The following CRNN variants were observed in gnomAD, a reference collection of about 807,000 sequenced individuals.
CRNN encodes 53 kDa putative calcium-binding protein.
Under a neutral mutation model 44.7 loss-of-function variants are expected in CRNN, and 39 were observed. That is an observed-to-expected ratio of 0.87 (90% CI 0.68 to 1.14). The LOEUF is 1.14. CRNN is among the 50% of genes most tolerant of loss of function. CRNN has a pLI of 0.00. For synonymous variants in CRNN, 240 were observed against 231.8 expected (o/e 1.04, Z -0.32); for missense variants, 606 against 605.1 (o/e 1.00, Z -0.02).
Position 152,409,910 on chromosome 1 carries a change from C to A in CRNN, c.1172G>T (p.Ser391Ile). Residue 391 changes from serine to isoleucine, a missense_variant, in exon 3 of 3, where the codon AGC becomes ATC. By Grantham distance (142) the Ser-to-Ile change is moderately radical. Transcript: ENST00000271835. ...TACTGTCTCTCCTGCCTCAGGGTTGCTCACTTGCATCCATCTTTGACCACT... is the reference window on the plus strand; with the variant it reads ...TACTGTCTCTCCTGCCTCAGGGTTGATCACTTGCATCCATCTTTGACCACT... ...PGSGQRWMQV[S>I]NPEAGETVPG... is the part of the protein sequence containing the mutation. 6.2e-7 allele frequency: 1 copy of A among 1,614,214 alleles called. No individual in the cohort carries two copies. The highest frequency in any genetic ancestry group is 8.5e-7 in the Non-Finnish European group (1 of 1,180,046).
chr1:152,410,276 T>C lies in CRNN; in HGVS notation c.806A>G (p.Glu269Gly). 3.7e-6 allele frequency: 6 copies of C among 1,614,052 alleles called. No individual in the cohort carries two copies. Among genetic ancestry groups the C allele is most frequent in the Non-Finnish European group, 5.1e-6 (6 of 1,179,996 alleles). The change falls in exon 3 of 3, where the codon GAG becomes GGG. Residue 269 changes from glutamate to glycine, a missense_variant. Transcript: ENST00000271835. ...CTGGCTCCTGCCTTGACCGTGGGTC[T>C]CAGTCCCTCTGTTCTGGTCATTGGT... ...EATNDQNRGTETHGQGRSQTS... is the reference protein window; with the variant it reads ...EATNDQNRGTGTHGQGRSQTS...
At chr1:152,411,999 T>A in intron 2 of CRNN, 97 bp downstream of exon 2, 1 of 1,321,968 alleles carries the variant, frequency 7.6e-7, no homozygotes, top group South Asian at 1.7e-5. Flanking sequence ...TGGGTTTAGC[T>A]GCTGCCTCCT....
rs752800549 is a variant in CRNN, at chr1:152,410,937, G to A, written c.145C>T (p.His49Tyr). The A allele has an allele frequency of 3.1e-6, 5 of 1,605,072 alleles. No individual in the cohort carries two copies. In the South Asian group the frequency reaches 3.3e-5, roughly 11 times the overall value. ...ACCTCATCCACAGTTGCTGGATCGT[G>A]GGGTTTCTGAGGAGAAGATGAGGTG... ...QEFADVIVKP[H>Y]DPATVDEVLR... Residue 49 changes from histidine to tyrosine, a missense_variant, in exon 3 of 3, where the codon CAC (histidine) becomes TAC (tyrosine). His to Tyr is a moderately conservative substitution (Grantham distance 83, BLOSUM62 2). Transcript: ENST00000271835.
In CRNN at chr1:152,410,691, G is replaced by A. The variant is rs750338253; in HGVS notation, c.391C>T (p.His131Tyr). The A allele has an allele frequency of 2.5e-6, 4 of 1,613,864 alleles. No individual in the cohort carries two copies. Among genetic ancestry groups the A allele is most frequent in the Non-Finnish European group, 3.4e-6 (4 of 1,179,956 alleles). ...TEVGRAGKGQ[H>Y]YEGSSHRQSQ... ...TGTCTGTGGCTGCTCCCCTCATAAT[G>A]CTGCCCTTTCCCCGCCCTTCCCACT... Residue 131 changes from histidine (H) to tyrosine (Y), a missense_variant, in exon 3 of 3, where the codon CAT (histidine) becomes TAT (tyrosine). His to Tyr is a moderately conservative substitution (Grantham distance 83). Coordinates refer to ENST00000271835, the MANE Select transcript of CRNN (RefSeq NM_016190.3).
At chr1:152,410,983 A>G (rs1054532640) in intron 2 of CRNN, 40 bp from the exon 3 acceptor site, 1 of 1,559,836 alleles carries the variant, frequency 6.4e-7, no homozygotes, top group Non-Finnish European at 8.6e-7. Flanking sequence ...CCCTCCCCTG[A>G]GGAGGACATG....
At position 152,409,915 on chromosome 1, in the gene CRNN, T is replaced by C. The variant is rs1388538545; in HGVS notation, c.1167A>G (p.Gln389=). 6.2e-7 allele frequency: 1 copy of C among 1,614,038 alleles called. No individual in the cohort carries two copies. The highest frequency in any genetic ancestry group is 1.3e-5 in the African/African-American group (1 of 74,922). Residue 389 remains glutamine (Q), a synonymous_variant, in exon 3 of 3, where the codon CAA becomes CAG. Coordinates refer to ENST00000271835, the MANE Select transcript of CRNN (RefSeq NM_016190.3). Reference sequence around the variant, plus strand: ...TCTCTCCTGCCTCAGGGTTGCTCACTTGCATCCATCTTTGACCACTGCCTG... The same window carrying C: ...TCTCTCCTGCCTCAGGGTTGCTCACCTGCATCCATCTTTGACCACTGCCTG... ...TQPGSGQRWM[Q]VSNPEAGETV... is the part of the protein sequence containing the mutation.
Position 152,410,246 on chromosome 1 carries a change from C to G in CRNN, c.836G>C (p.Ser279Thr). 1 of 1,613,584 alleles carries G rather than the reference C, an allele frequency of 6.2e-7. No individual in the cohort carries two copies. Among genetic ancestry groups the G allele is most frequent in the Non-Finnish European group, 8.5e-7 (1 of 1,179,642 alleles). ...AGCATGTCCTCCTGTCACAGCCTGG[C>G]TGGTCTGGCTCCTGCCTTGACCGTG... ...ETHGQGRSQT[S>T]QAVTGGHAQI... Residue 279 changes from serine (S) to threonine (T), a missense_variant, in exon 3 of 3, where the codon AGC becomes ACC. Coordinates refer to ENST00000271835, the MANE Select transcript of CRNN (RefSeq NM_016190.3).
In CRNN at chr1:152,410,729, C is replaced by A; in HGVS notation, c.353G>T (p.Arg118Ile). 1 of 1,614,174 alleles carries A rather than the reference C, an allele frequency of 6.2e-7. No individual in the cohort carries two copies. Among genetic ancestry groups the A allele is most frequent in the African/African-American group, 1.3e-5 (1 of 75,068 alleles). Reference protein sequence around the residue: ...GASQELGEGQRSGTEVGRAGK... With the variant: ...GASQELGEGQISGTEVGRAGK... ...CGCCCTTCCCACTTCAGTGCCACTTCTCTGTCCTTCGCCCAGCTCCTGCGA... is the reference window on the plus strand; with the variant it reads ...CGCCCTTCCCACTTCAGTGCCACTTATCTGTCCTTCGCCCAGCTCCTGCGA... The change falls in exon 3 of 3, where the codon AGA (arginine) becomes ATA (isoleucine). Residue 118 changes from arginine to isoleucine, a missense_variant. Physicochemically the swap from Arg to Ile is moderately conservative, Grantham distance 97 (BLOSUM62 -3). Coordinates refer to ENST00000271835, the MANE Select transcript of CRNN (RefSeq NM_016190.3).
chr1:152,410,137 G>T lies in CRNN; in HGVS notation c.945C>A (p.Thr315=). ...DSSHQTGSTS[T]QTQESTNGQN... is the part of the protein sequence containing the mutation. Reference sequence around the variant, plus strand: ...GGCCATTGGTGGACTCCTGTGTCTGGGTGCTGGTGCTTCCTGTCTGGTGGC... The same window carrying T: ...GGCCATTGGTGGACTCCTGTGTCTGTGTGCTGGTGCTTCCTGTCTGGTGGC... The change falls in exon 3 of 3, where the codon ACC becomes ACA. Residue 315 remains threonine, a synonymous_variant. Coordinates refer to ENST00000271835, the MANE Select transcript of CRNN (RefSeq NM_016190.3). 2.5e-6 allele frequency: 4 copies of T among 1,601,680 alleles called. No homozygotes were observed. The highest frequency in any genetic ancestry group is 3.4e-6 in the Non-Finnish European group (4 of 1,176,224).
rs1270707590 is a variant in CRNN, at chr1:152,409,582, G to A, written c.*12C>T. On this transcript the variant is annotated 3_prime_UTR_variant, in exon 3 of 3. Transcript: ENST00000271835. ...TGTCTTCTTCCAGTACTGGACATTG[G>A]AGTCGGGGAAGTCATGGCTTGGTGC... 6.3e-7 allele frequency: 1 copy of A among 1,597,706 alleles called. No homozygotes were observed. Among genetic ancestry groups the A allele is most frequent in the East Asian group, 2.2e-5 (1 of 44,860 alleles).
At position 152,409,959 on chromosome 1, in the gene CRNN, C is replaced by T. The variant is rs867713856; in HGVS notation, c.1123G>A (p.Gly375Arg). Residue 375 changes from glycine to arginine, a missense_variant, in exon 3 of 3, where the codon GGA becomes AGA. Physicochemically the swap from Gly to Arg is moderately radical, Grantham distance 125 (BLOSUM62 -2). Transcript: ENST00000271835. ...TVSHGGAREQ[G>R]QTQTQPGSGQ... ...CTGCCTGGCTGCGTCTGGGTCTGTC[C>T]CTGTTCTCTAGCCCCTCCGTGGCTT... 6 of 1,614,036 alleles carry T rather than the reference C, an allele frequency of 3.7e-6. No individual in the cohort carries two copies. Among genetic ancestry groups the T allele is most frequent in the Non-Finnish European group, 5.1e-6 (6 of 1,180,034 alleles).
intron 2 of CRNN, 109 bp downstream of exon 2, chr1:152,411,987 C>T: frequency 8.0e-7 from 1 of 1,249,370 alleles, no homozygotes; most frequent in Non-Finnish European, 1.1e-6. Flanking sequence ...TCCCGGCAGG[C>T]CTGGGTTTAG....
chr1:152,413,905 A>T (rs1355279484), intron 1 of CRNN, among the ~76,000 whole-genome samples: 1 of 152,166 alleles, frequency 6.6e-6, no homozygotes, highest in Non-Finnish European at 1.5e-5. Flanking sequence ...GACTCTCAGC[A>T]CTGCAAAGAA....
At chr1:152,411,631 A>C (rs1383742062) in intron 2 of CRNN, among the ~76,000 whole-genome samples, 2 of 152,042 alleles carry the variant, frequency 1.3e-5, no homozygotes, top group African/African-American at 4.8e-5. Context: ...TCAAAATTTC[A>C]TTTCTGATGT....
chr1:152,412,246 C>A lies in CRNN; in HGVS notation c.-13G>T. The stretch of plus-strand genomic sequence containing the variant: ...GTAACTGAGGCATCTTTGAAGTCAA[C>A]CTGGAAAAGATGAAAAGTTCCCTTG... On this transcript the variant is annotated splice_region_variant and 5_prime_UTR_variant, in exon 2 of 3. Transcript: ENST00000271835. 1 of 1,599,028 alleles carries A rather than the reference C, an allele frequency of 6.3e-7. No individual in the cohort carries two copies. The highest frequency in any genetic ancestry group is 8.6e-7 in the Non-Finnish European group (1 of 1,168,058).
chr1:152,411,380 G>A (rs1287042800), intron 2 of CRNN, among the ~76,000 whole-genome samples: 1 of 152,166 alleles, frequency 6.6e-6, no homozygotes, highest in Admixed American at 6.5e-5. Context: ...CCTCATTGAG[G>A]CCCAGATGTT....
Position 152,412,089 on chromosome 1 carries a change from A to T in CRNN, c.138+7T>A. 6.3e-7 allele frequency: 1 copy of T among 1,599,710 alleles called. No individual in the cohort carries two copies. Among genetic ancestry groups the T allele is most frequent in the Non-Finnish European group, 8.6e-7 (1 of 1,169,156 alleles). ...GTCCCCTCTCCACCCGGCTCAGCACACCGTACCACAATCACATCGGCAAAC... is the reference window on the plus strand; with the variant it reads ...GTCCCCTCTCCACCCGGCTCAGCACTCCGTACCACAATCACATCGGCAAAC... On this transcript the variant is annotated splice_region_variant and intron_variant, in intron 2 of 2. Transcript: ENST00000271835.
chr1:152,412,815 A>G (rs572635310), intron 1 of CRNN, among the ~76,000 whole-genome samples: 2 of 152,226 alleles, frequency 1.3e-5, no homozygotes, highest in East Asian at 3.9e-4. Flanking sequence ...CCTAGGATCC[A>G]TTTTTCCTTA....
In CRNN at chr1:152,411,023, T is replaced by G. The variant is rs1489626824; in HGVS notation, c.139-80A>C. 3.3e-6 allele frequency: 5 copies of G among 1,500,466 alleles called. No homozygotes were observed. In the Admixed American group the frequency reaches 1.1e-4, roughly 34 times the overall value. 92.9% of individuals were successfully genotyped at this position (1,500,466 alleles called of 1,614,324 possible). A position where few individuals can be genotyped will look rare whatever the true frequency, so the allele number is the denominator to read the frequency against. On this transcript the variant is annotated intron_variant, in intron 2 of 2. Coordinates refer to ENST00000271835, the MANE Select transcript of CRNN (RefSeq NM_016190.3). ...GGTCCCTTCCAATCTGCTGCCAGCT[T>G]CCCCTGCCTCAGACCCCACACTACA...
Sources: allele counts gnomAD v4.1 joint callset (sites outside exome capture counted in the v4.1 genomes callset), GRCh38; gene constraint gnomAD v4.1.1; transcripts MANE v1.5; gene names NCBI Gene and HGNC (gene_info 2026-07-23, HGNC 2026-07-21).